Variants in CCDC125 observed in about 807,000 individuals in gnomAD.
The protein encoded by CCDC125 is coiled-coil domain containing 125, also known as coiled-coil domain-containing protein 125.
CCDC125 carries 43 observed loss-of-function variants against 57.4 expected under a neutral mutation model. The ratio of observed to expected loss-of-function variants is 0.75; its 90% CI spans 0.59 to 0.97. The LOEUF is 0.97. Ranked by LOEUF, CCDC125 falls within the 50% of genes least tolerant of loss-of-function variation. CCDC125 has a pLI of 0.00. For synonymous variants in CCDC125, 187 were observed against 195.2 expected (o/e 0.96, Z 0.35); for missense variants, 563 against 595.7 (o/e 0.95, Z 0.57).
chr5:69,303,467 C>CCTCCA (rs1561444261), intron 7 of CCDC125, among the ~76,000 whole-genome samples: 1 of 145,502 alleles, frequency 6.9e-6, no homozygotes, highest in African/African-American at 2.6e-5. Flanking sequence ...AGAGTAAAAG[C>CCTCCA]GATTCACCTG....
chr5:69,296,740 G>A (rs1487512091), intron 8 of CCDC125, among the ~76,000 whole-genome samples: 3 of 152,100 alleles, frequency 2.0e-5, no homozygotes, highest in Non-Finnish European at 4.4e-5. Context: ...GAGGCAGGTG[G>A]ATCACCTGAG....
chr5:69,309,102 C>T (rs767462072), intron 4 of CCDC125: 1 of 152,112 alleles, frequency 6.6e-6, no homozygotes, highest in Non-Finnish European at 1.5e-5. Context: ...GGAAGCACAG[C>T]ATAAAAGTTC....
At chr5:69,293,647 C>CAAA (rs10548889) in intron 9 of CCDC125, among the ~76,000 whole-genome samples, 190 of 131,504 alleles carry the variant, frequency 1.4e-3, no homozygotes, top group East Asian at 2.7e-3. Context: ...GAATCCGTCT[C>CAAA]AAAAAAAAAA....
chr5:69,300,090 A>G lies in CCDC125; in HGVS notation c.738T>C (p.Leu246=), dbSNP rs1561436692. ...GAGCCATCTTCTGCTGTTTGATATC[A>G]AGCATGGCGAGGGCCTCCAAATACC... ...NQRYLEALAM[L]DIKQQKMAQE... Residue 246 remains leucine, a synonymous_variant, in exon 8 of 12, where the codon CTT becomes CTC. Coordinates refer to ENST00000396496, the MANE Select transcript of CCDC125 (RefSeq NM_176816.5). 1 of 1,614,074 alleles carries G rather than the reference A, an allele frequency of 6.2e-7. No individual in the cohort carries two copies. Among genetic ancestry groups the G allele is most frequent in the Non-Finnish European group, 8.5e-7 (1 of 1,180,042 alleles).
In CCDC125 at chr5:69,293,611, A is replaced by G. The variant is rs190460795; in HGVS notation, c.924+1182T>C. Reference sequence around the variant, plus strand: ...TGCAGTGAGCCGAGATTGCACCACTACATTCCAGCCTGGGCGACAGAGCAA... The same window carrying G: ...TGCAGTGAGCCGAGATTGCACCACTGCATTCCAGCCTGGGCGACAGAGCAA... On this transcript the variant is annotated intron_variant, in intron 9 of 11. Coordinates refer to ENST00000396496, the MANE Select transcript of CCDC125 (RefSeq NM_176816.5). Among the ~76,000 whole-genome samples the G allele has an allele frequency of 9.8e-4, 149 of 151,354 alleles. 1 individual carries two copies. The highest frequency in any genetic ancestry group is 3.3e-3 in the African/African-American group (135 of 41,260).
At chr5:69,298,975 G>T (rs1400603053) in intron 8 of CCDC125, among the ~76,000 whole-genome samples, 1 of 152,134 alleles carries the variant, frequency 6.6e-6, no homozygotes, top group Non-Finnish European at 1.5e-5. Context: ...GATTTTAACA[G>T]TACCCACTTT....
intron 2 of CCDC125, among the ~76,000 whole-genome samples, chr5:69,315,720 A>G (rs900653502): frequency 4.3e-5 from 6 of 138,904 alleles, no homozygotes; most frequent in African/African-American, 1.6e-4. Flanking sequence ...TGATCGCACC[A>G]TTGCACTCCA....
the CCDC125 span, among the ~76,000 whole-genome samples, chr5:69,273,793 G>T: frequency 1.3e-5 from 2 of 152,016 alleles, no homozygotes; most frequent in African/African-American, 4.8e-5. Flanking sequence ...TTCTCTTTAG[G>T]TTTGTTCCAG....
At chr5:69,295,408 G>T (rs979873793) in intron 8 of CCDC125, among the ~76,000 whole-genome samples, 2 of 152,102 alleles carry the variant, frequency 1.3e-5, no homozygotes, top group Non-Finnish European at 2.9e-5. Flanking sequence ...AAAAAAATAC[G>T]ATTGATTCCT....
chr5:69,314,533 G>A (rs1318391818), intron 2 of CCDC125, among the ~76,000 whole-genome samples: 2 of 151,706 alleles, frequency 1.3e-5, no homozygotes, highest in Non-Finnish European at 2.9e-5. Context: ...CAAATGAAAA[G>A]ACATATACTG....
chr5:69,278,445 C>G (rs1025250806), downstream of CCDC125, among the ~76,000 whole-genome samples: 1 of 151,036 alleles, frequency 6.6e-6, no homozygotes, highest in African/African-American at 2.4e-5. Flanking sequence ...GAACTCCTGA[C>G]CTTTTCATCC....
chr5:69,298,047 C>T (rs1239791919), intron 8 of CCDC125, among the ~76,000 whole-genome samples: 2 of 151,004 alleles, frequency 1.3e-5, no homozygotes, highest in Admixed American at 1.3e-4. Flanking sequence ...GATGGAGTCC[C>T]GCTCTGTCAC....
intron 8 of CCDC125, among the ~76,000 whole-genome samples, chr5:69,296,842 T>C (rs1040725321): frequency 6.6e-6 from 1 of 151,630 alleles, no homozygotes; most frequent in Non-Finnish European, 1.5e-5. Flanking sequence ...TGGGTGCCTG[T>C]AATCCCAGCT....
chr5:69,324,494 CA>C (rs1470592421), intron 1 of CCDC125, among the ~76,000 whole-genome samples: 1 of 152,204 alleles, frequency 6.6e-6, no homozygotes, highest in Non-Finnish European at 1.5e-5. Flanking sequence ...AACAGAACCC[CA>C]TGTCCGTACA....
chr5:69,287,930 T>C (rs1753782754), intron 10 of CCDC125, among the ~76,000 whole-genome samples: 1 of 152,148 alleles, frequency 6.6e-6, no homozygotes, highest in Non-Finnish European at 1.5e-5. Context: ...AACTCAGAGA[T>C]TGGGAGCTAT....
chr5:69,283,406 G>A (rs1025623435), intron 11 of CCDC125, among the ~76,000 whole-genome samples: 2 of 152,024 alleles, frequency 1.3e-5, no homozygotes, highest in South Asian at 4.2e-4. Context: ...TTTTTTAGTA[G>A]AGACGGGGTT....
chr5:69,329,237 T>C (rs565686554), intron 1 of CCDC125, among the ~76,000 whole-genome samples: 2 of 151,816 alleles, frequency 1.3e-5, no homozygotes, highest in South Asian at 4.2e-4. Context: ...CAGTGACAGC[T>C]CACTGCAGCC....
intron 1 of CCDC125, among the ~76,000 whole-genome samples, chr5:69,328,993 C>T (rs1761074846): frequency 6.6e-6 from 1 of 151,028 alleles, no homozygotes; most frequent in African/African-American, 2.4e-5. Context: ...TGGAGTTTCA[C>T]CGTGTTAAGC....
downstream of CCDC125, among the ~76,000 whole-genome samples, chr5:69,277,966 A>G (rs1278936988): frequency 1.3e-5 from 2 of 152,162 alleles, no homozygotes; most frequent in Non-Finnish European, 2.9e-5. Context: ...GCTCACTGCA[A>G]ACTCTGCCTT....
Sources: allele counts gnomAD v4.1 joint callset (sites outside exome capture counted in the v4.1 genomes callset), GRCh38; gene constraint gnomAD v4.1.1; transcripts MANE v1.5; gene names NCBI Gene and HGNC (gene_info 2026-07-23, HGNC 2026-07-21).